Variants in ZBTB20 observed in about 807,000 individuals in gnomAD.
ZBTB20 encodes the protein zinc finger and BTB domain-containing protein 20.
ZBTB20 carries 9 observed loss-of-function variants against 56.9 expected under a neutral mutation model. The ratio of observed to expected loss-of-function variants is 0.16; its 90% CI spans 0.10 to 0.28. The LOEUF (loss-of-function observed/expected upper bound fraction) is 0.28. Ranked by LOEUF, ZBTB20 falls within the 10% of genes least tolerant of loss-of-function variation. ZBTB20 has a pLI of 1.00. For missense variants in ZBTB20, 655 were observed against 1,003.0 expected (o/e 0.65, Z 4.69); for synonymous variants, 417 against 420.7 (o/e 0.99, Z 0.11).
chr3:114,415,814 A>C, intron 7 of ZBTB20, among the ~76,000 whole-genome samples: 1 of 152,076 alleles, frequency 6.6e-6, no homozygotes, highest in East Asian at 1.9e-4. Flanking sequence ...TGGTATCACC[A>C]TATAGTAGTT....
intron 1 of ZBTB20, among the ~76,000 whole-genome samples, chr3:115,105,670 A>C (rs185113731): frequency 6.6e-6 from 1 of 152,342 alleles, no homozygotes; most frequent in Admixed American, 6.5e-5. Flanking sequence ...AAGGTTGCAT[A>C]GTTCAAGATT....
chr3:114,444,254 T>A (rs1415591686), intron 7 of ZBTB20, among the ~76,000 whole-genome samples: 1 of 152,174 alleles, frequency 6.6e-6, no homozygotes, highest in Non-Finnish European at 1.5e-5. Flanking sequence ...ACTTTTCTTG[T>A]TATTTATTTT....
intron 4 of ZBTB20, among the ~76,000 whole-genome samples, chr3:114,891,957 G>T (rs2076827413): frequency 1.3e-5 from 2 of 151,960 alleles, no homozygotes; most frequent in Admixed American, 1.3e-4. Flanking sequence ...TGAGGCAGGA[G>T]AATTGTTTGA....
chr3:115,040,284 C>T (rs1576627978), intron 2 of ZBTB20, among the ~76,000 whole-genome samples: 1 of 151,920 alleles, frequency 6.6e-6, no homozygotes, highest in Non-Finnish European at 1.5e-5. Context: ...TAAGACAAAG[C>T]CTATGCTTAT....
intron 7 of ZBTB20, among the ~76,000 whole-genome samples, chr3:114,448,408 C>T (rs2091403919): frequency 6.6e-6 from 1 of 151,982 alleles, no homozygotes; most frequent in Admixed American, 6.6e-5. Context: ...ATATTTATTA[C>T]TGTTGTTTTT....
chr3:114,583,750 T>G (rs2054890940), intron 6 of ZBTB20, among the ~76,000 whole-genome samples: 1 of 152,232 alleles, frequency 6.6e-6, no homozygotes, highest in Admixed American at 6.5e-5. Context: ...ATTCCTTAGT[T>G]GGTGTAACCA....
At position 114,564,856 on chromosome 3, in the gene ZBTB20, T is replaced by C. The variant is rs182643384; in HGVS notation, c.-294-64465A>G. Among the ~76,000 whole-genome samples the C allele has an allele frequency of 1.6e-4, 25 of 152,326 alleles. No homozygotes were observed. The East Asian group carries it at 4.1e-3, about 25-fold the overall frequency. On this transcript the variant is annotated intron_variant, in intron 6 of 11. Transcript: ENST00000675478. ...TCTCAATAAGCAAATAACACCAGCG[T>C]TGCAGGTGTTAACACCAATGACTAT...
At chr3:114,732,712 C>A (rs1005651234) in intron 5 of ZBTB20, among the ~76,000 whole-genome samples, 23 of 152,276 alleles carry the variant, frequency 1.5e-4, no homozygotes, top group African/African-American at 5.3e-4. Context: ...CTGAGGCATG[C>A]ACATAGCCAC....
At chr3:114,850,596 A>T (rs1033618169) in intron 4 of ZBTB20, among the ~76,000 whole-genome samples, 7 of 152,240 alleles carry the variant, frequency 4.6e-5, no homozygotes, top group African/African-American at 1.7e-4. Flanking sequence ...GTGGTTAAGT[A>T]ACTTACCCAA....
At chr3:115,133,741 T>C (rs1260705632) in intron 1 of ZBTB20, among the ~76,000 whole-genome samples, 2 of 152,238 alleles carry the variant, frequency 1.3e-5, no homozygotes. Context: ...ATTGTATAGA[T>C]ATATCATAGA....
intron 1 of ZBTB20, among the ~76,000 whole-genome samples, chr3:115,096,216 G>C (rs571694548): frequency 6.6e-6 from 1 of 152,254 alleles, no homozygotes; most frequent in Admixed American, 6.5e-5. Flanking sequence ...CCGATTGCTA[G>C]TGTTTATTGT....
intron 10 of ZBTB20, among the ~76,000 whole-genome samples, chr3:114,376,775 G>A (rs1422671552): frequency 6.6e-6 from 1 of 152,198 alleles, no homozygotes; most frequent in East Asian, 1.9e-4. Context: ...AGTCTGATGA[G>A]GCCGGTATAA....
At chr3:115,011,203 G>A (rs766805082) in intron 2 of ZBTB20, among the ~76,000 whole-genome samples, 1 of 151,858 alleles carries the variant, frequency 6.6e-6, no homozygotes, top group Non-Finnish European at 1.5e-5. Context: ...CCTTAAAGAG[G>A]AGGAAGAGAA....
intron 7 of ZBTB20, among the ~76,000 whole-genome samples, chr3:114,491,322 T>A (rs2042731633): frequency 6.6e-6 from 1 of 152,222 alleles, no homozygotes; most frequent in Admixed American, 6.5e-5. Context: ...CAGACTCACC[T>A]GCACCTTCCA....
intron 4 of ZBTB20, among the ~76,000 whole-genome samples, chr3:114,865,781 A>C (rs963885306): frequency 6.6e-5 from 10 of 152,214 alleles, no homozygotes; most frequent in Non-Finnish European, 1.2e-4. Context: ...GTCTTAAATT[A>C]TATCATTTAA....
chr3:114,894,521 G>A (rs1307863219), intron 4 of ZBTB20, among the ~76,000 whole-genome samples: 1 of 152,080 alleles, frequency 6.6e-6, no homozygotes, highest in Non-Finnish European at 1.5e-5. Flanking sequence ...GATCTTACTT[G>A]GACATAGGTC....
chr3:115,057,693 C>G (rs757782240), intron 2 of ZBTB20, among the ~76,000 whole-genome samples: 1 of 152,128 alleles, frequency 6.6e-6, no homozygotes, highest in Non-Finnish European at 1.5e-5. Context: ...TTTCCTTCTT[C>G]CTGAAGAACC....
At chr3:114,850,164 T>C (rs1015534667) in intron 4 of ZBTB20, among the ~76,000 whole-genome samples, 2 of 152,056 alleles carry the variant, frequency 1.3e-5, no homozygotes, top group African/African-American at 4.8e-5. Flanking sequence ...CCTCCCAAAG[T>C]GCTGGGATTA....
At chr3:115,026,591 G>A (rs116530588) in intron 2 of ZBTB20, among the ~76,000 whole-genome samples, 131 of 150,760 alleles carry the variant, frequency 8.7e-4, no homozygotes, top group African/African-American at 3.0e-3. Context: ...AGTACTAAAT[G>A]TGGTAATCCT....
Sources: gnomAD v4.1 joint callset for allele counts (sites outside exome capture counted in the v4.1 genomes callset) on GRCh38, gnomAD v4.1.1 for gene constraint, MANE v1.5 for transcripts, NCBI Gene and HGNC (gene_info 2026-07-23, HGNC 2026-07-21) for gene names.